AXL: variants seen among roughly 807,000 people sequenced by gnomAD.
AXL encodes tyrosine-protein kinase receptor UFO.
In AXL, 52 loss-of-function variants were observed where a neutral mutation model predicts 104.5. The observed-to-expected ratio is 0.50, with a 90% CI of 0.40 to 0.63. The LOEUF (loss-of-function observed/expected upper bound fraction) is 0.63, where lower values mean the gene tolerates loss of function less well. Ranked by LOEUF, AXL falls within the 20% of genes least tolerant of loss-of-function variation. AXL has a pLI of 0.00. For missense variants in AXL, 1,024 were observed against 1,188.5 expected, an observed-to-expected ratio of 0.86 and a Z score of 2.04; for synonymous variants, 455 against 473.7, an observed-to-expected ratio of 0.96 and a Z score of 0.51.
chr19:41,220,988 G>C, intron 2 of AXL, 130 bp downstream of exon 2: 1 of 1,256,582 alleles, frequency 8.0e-7, no homozygotes, highest in South Asian at 1.5e-5. Flanking sequence ...GAACCTCTAG[G>C]TTTCGTTTTC....
At chr19:41,239,534 C>A (rs1304082969) in intron 9 of AXL, among the ~76,000 whole-genome samples, 160 bp from the exon 10 acceptor site, 1 of 151,574 alleles carries the variant, frequency 6.6e-6, no homozygotes, top group African/African-American at 2.4e-5. Flanking sequence ...CTCCCTTACC[C>A]GTGCCACACC....
chr19:41,250,207 C>T (rs2034339802), intron 14 of AXL, among the ~76,000 whole-genome samples: 1 of 152,092 alleles, frequency 6.6e-6, no homozygotes, highest in Non-Finnish European at 1.5e-5. Context: ...TATATTATTT[C>T]CATTATCAGA....
chr19:41,219,576 G>C, intron 1 of AXL, 99 bp downstream of exon 1: 1 of 1,382,958 alleles, frequency 7.2e-7, no homozygotes, highest in Non-Finnish European at 9.9e-7. Flanking sequence ...GCCTGGGCTG[G>C]CTTAGGGAGT....
At position 41,221,886 on chromosome 19, in the gene AXL, C is replaced by T. The variant is rs749353803; in HGVS notation, c.416C>T (p.Pro139Leu). The change falls in exon 4 of 20, where the codon CCT becomes CTT. Residue 139 changes from proline (P) to leucine (L), a missense_variant. Coordinates refer to ENST00000301178, the MANE Select transcript of AXL (RefSeq NM_021913.5). ...CCACTGCCCACCCCGCTAGGCTTGC[C>T]TTACTTCCTGGAGGAGCCCGAAGAC... ...QPGYVGLEGL[P>L]YFLEEPEDRT... The T allele has an allele frequency of 1.9e-6, 3 of 1,613,638 alleles. No homozygotes were observed. The highest frequency in any genetic ancestry group is 2.2e-5 in the South Asian group (2 of 90,994).
chr19:41,252,959 C>T lies in AXL; in HGVS notation c.1918C>T (p.Gln640Ter), dbSNP rs773211391. Residue 640 changes from glutamine to a stop codon, truncating the protein, a stop_gained, in exon 16 of 20, where the codon CAG becomes TAG. Coordinates refer to ENST00000301178, the MANE Select transcript of AXL (RefSeq NM_021913.5). LOFTEE classifies it high-confidence loss of function. The stretch of plus-strand genomic sequence containing the variant: ...CCTCCTCTATTCCCGGCTCGGGGAC[C>T]AGCCAGTGGTAAGGGGCGTTTAATC... The part of the protein sequence containing the change: ...SFLLYSRLGD[Q>*]PVYLPTQMLV... The T allele has an allele frequency of 6.2e-7, 1 of 1,614,110 alleles. No homozygotes were observed. The highest frequency in any genetic ancestry group is 1.1e-5 in the South Asian group (1 of 91,080).
chr19:41,234,423 C>A (rs961157707), intron 6 of AXL, among the ~76,000 whole-genome samples: 1 of 151,958 alleles, frequency 6.6e-6, no homozygotes, highest in Non-Finnish European at 1.5e-5. Flanking sequence ...GAGTTTGAGA[C>A]CTGCCTGGCC....
At chr19:41,232,705 T>G (rs1214404121) in intron 6 of AXL, among the ~76,000 whole-genome samples, 1 of 151,566 alleles carries the variant, frequency 6.6e-6, no homozygotes, top group African/African-American at 2.4e-5. Flanking sequence ...TAAGGCCTAA[T>G]TCTGGTCTGA....
chr19:41,254,742 A>G (rs1395731769), intron 17 of AXL, among the ~76,000 whole-genome samples: 1 of 151,972 alleles, frequency 6.6e-6, no homozygotes, highest in African/African-American at 2.4e-5. Flanking sequence ...AACATAGTGA[A>G]TCCTGTCTTT....
chr19:41,236,173 A>G (rs976728936), intron 6 of AXL, among the ~76,000 whole-genome samples: 2 of 151,848 alleles, frequency 1.3e-5, no homozygotes, highest in East Asian at 3.9e-4. Context: ...TCTACTAAAA[A>G]TACAAAAAAG....
chr19:41,247,842 C>T lies in AXL; in HGVS notation c.1538-672C>T, dbSNP rs527635341. Among the ~76,000 whole-genome samples, 346 of 151,510 alleles carry T rather than the reference C, an allele frequency of 2.3e-3. 1 individual carries two copies. The highest frequency in any genetic ancestry group is 8.2e-3 in the African/African-American group (339 of 41,252). On this transcript the variant is annotated intron_variant, in intron 12 of 19. Coordinates refer to ENST00000301178, the MANE Select transcript of AXL (RefSeq NM_021913.5). ...TCAAGTGATCCACCGGCCTCTGCCT[C>T]CCAAAGTGCTGCGATTACAGGCATG...
At chr19:41,228,937 TTTG>T (rs2033928804) in intron 4 of AXL, among the ~76,000 whole-genome samples, 1 of 145,724 alleles carries the variant, frequency 6.9e-6, no homozygotes, top group Admixed American at 6.8e-5. Context: ...TCTTTCTTTC[TTTG>T]TCTTTTCTTT....
chr19:41,252,128 A>T (rs550984873), intron 14 of AXL, among the ~76,000 whole-genome samples: 133 of 143,560 alleles, frequency 9.3e-4, no homozygotes, highest in African/African-American at 3.2e-3. Context: ...AAAAAAAAAA[A>T]GAAAATATAT....
intron 17 of AXL, among the ~76,000 whole-genome samples, chr19:41,254,063 G>A (rs1599742782): frequency 6.6e-6 from 1 of 151,632 alleles, no homozygotes; most frequent in Non-Finnish European, 1.5e-5. Flanking sequence ...CTTTGGAAGC[G>A]GCCACACTGG....
intron 19 of AXL, 147 bp from the exon 20 acceptor site, chr19:41,259,406 C>T: frequency 4.5e-6 from 3 of 670,218 alleles, no homozygotes; most frequent in Admixed American, 3.1e-5. Flanking sequence ...TCCCAAATCC[C>T]CATAGATGGC....
intron 16 of AXL, among the ~76,000 whole-genome samples, chr19:41,253,233 C>T (rs1192156021): frequency 1.3e-5 from 2 of 152,046 alleles, no homozygotes; most frequent in Admixed American, 6.6e-5. Context: ...AAGATCTTGC[C>T]GAGGAGGTGA....
chr19:41,238,585 G>T lies in AXL; in HGVS notation c.1110G>T (p.Ala370=). 6.2e-7 allele frequency: 1 copy of T among 1,612,576 alleles called. No homozygotes were observed. Among genetic ancestry groups the T allele is most frequent in the Non-Finnish European group, 8.5e-7 (1 of 1,179,146 alleles). ...GTACCCTGTTAGGGTACCGGCTGGCGTATCAAGGCCAGGACACCCCAGAGG... is the reference window on the plus strand; with the variant it reads ...GTACCCTGTTAGGGTACCGGCTGGCTTATCAAGGCCAGGACACCCCAGAGG... The part of the protein sequence containing the change: ...LQGTLLGYRL[A]YQGQDTPEVL... The change falls in exon 8 of 20, where the codon GCG becomes GCT. Residue 370 remains alanine, a synonymous_variant. Transcript: ENST00000301178.
At chr19:41,245,339 C>A (rs575696399) in intron 12 of AXL, among the ~76,000 whole-genome samples, 3 of 152,296 alleles carry the variant, frequency 2.0e-5, no homozygotes, top group African/African-American at 7.2e-5. Context: ...CTTTTGAAAT[C>A]ATAAAATCTT....
At chr19:41,255,849 A>T (rs564739476) in intron 17 of AXL, among the ~76,000 whole-genome samples, 1 of 152,062 alleles carries the variant, frequency 6.6e-6, no homozygotes, top group African/African-American at 2.4e-5. Flanking sequence ...GGTTCAACTG[A>T]TTCTCTTGCT....
chr19:41,236,369 G>A (rs2034079106), intron 6 of AXL, among the ~76,000 whole-genome samples: 1 of 150,028 alleles, frequency 6.7e-6, no homozygotes, highest in African/African-American at 2.5e-5. Flanking sequence ...AAGCATGGTT[G>A]CTCACGCCTG....
Sources: allele counts gnomAD v4.1 joint callset (sites outside exome capture counted in the v4.1 genomes callset), GRCh38; gene constraint gnomAD v4.1.1; transcripts MANE v1.5; gene names NCBI Gene and HGNC (gene_info 2026-07-23, HGNC 2026-07-21).